Variants in COL24A1 observed in about 807,000 individuals in gnomAD.
The protein encoded by COL24A1 is collagen type XXIV alpha 1 chain.
In COL24A1, 224 loss-of-function variants were observed where a neutral mutation model predicts 253.9. The ratio of observed to expected loss-of-function variants is 0.88; its 90% CI spans 0.79 to 0.99. The LOEUF (loss-of-function observed/expected upper bound fraction) is 0.99. Among genes scored for constraint, COL24A1 ranks in the 50% least tolerant of loss-of-function variants. COL24A1 has a pLI of 0.00. For synonymous variants in COL24A1, 685 were observed against 673.7 expected (o/e 1.02, Z -0.26); for missense variants, 2,131 against 2,068.5 (o/e 1.03, Z -0.59).
intron 37 of COL24A1, among the ~76,000 whole-genome samples, chr1:85,866,446 T>C (rs1449619333): frequency 1.3e-5 from 2 of 152,048 alleles, no homozygotes; most frequent in Admixed American, 1.3e-4. Flanking sequence ...TAAGTGAAAT[T>C]ATATTGTTTA....
At chr1:85,978,749 G>A (rs561327501) in intron 20 of COL24A1, among the ~76,000 whole-genome samples, 2 of 152,264 alleles carry the variant, frequency 1.3e-5, no homozygotes, top group East Asian at 1.9e-4. Flanking sequence ...AGTGGGGGAT[G>A]TTGATACTCT....
intron 58 of COL24A1, among the ~76,000 whole-genome samples, chr1:85,735,234 A>G (rs1053274170): frequency 3.3e-5 from 5 of 152,196 alleles, no homozygotes; most frequent in Admixed American, 3.3e-4. Flanking sequence ...TACCAAGGTG[A>G]GGTCACTGAA....
intron 3 of COL24A1, among the ~76,000 whole-genome samples, chr1:86,116,941 C>T (rs1706203214): frequency 6.8e-6 from 1 of 147,290 alleles, no homozygotes; most frequent in Non-Finnish European, 1.5e-5. Context: ...TGATATTTTA[C>T]TCATTGTCAA....
At chr1:85,777,558 T>G (rs1304871375) in intron 52 of COL24A1, among the ~76,000 whole-genome samples, 1 of 152,166 alleles carries the variant, frequency 6.6e-6, no homozygotes, top group Non-Finnish European at 1.5e-5. Flanking sequence ...TACTCAATCA[T>G]TCCTTTAGAA....
intron 47 of COL24A1, among the ~76,000 whole-genome samples, chr1:85,809,604 G>C (rs1672322408): frequency 6.6e-6 from 1 of 151,948 alleles, no homozygotes; most frequent in Non-Finnish European, 1.5e-5. Flanking sequence ...ACTTTGCACT[G>C]ACTGACCATC....
At chr1:86,101,096 T>C (rs190468472) in intron 5 of COL24A1, among the ~76,000 whole-genome samples, 4 of 152,196 alleles carry the variant, frequency 2.6e-5, no homozygotes, top group Admixed American at 1.3e-4. Context: ...GGAAGTCTTA[T>C]AGGACTCAGT....
At chr1:85,840,699 A>G (rs1204703239) in intron 42 of COL24A1, among the ~76,000 whole-genome samples, 1 of 152,170 alleles carries the variant, frequency 6.6e-6, no homozygotes, top group Non-Finnish European at 1.5e-5. Context: ...GCTACTTTTT[A>G]GAGACCATGG....
At chr1:86,034,335 T>C (rs1186598768) in intron 12 of COL24A1, among the ~76,000 whole-genome samples, 1 of 152,182 alleles carries the variant, frequency 6.6e-6, no homozygotes, top group Non-Finnish European at 1.5e-5. Context: ...GCACTTGCCA[T>C]GTGCTAAAGG....
At chr1:85,879,662 A>G (rs774514641) in intron 32 of COL24A1, among the ~76,000 whole-genome samples, 12 of 152,172 alleles carry the variant, frequency 7.9e-5, no homozygotes, top group Non-Finnish European at 1.6e-4. Flanking sequence ...TGTTATATGT[A>G]TTGTATACTG....
intron 37 of COL24A1, among the ~76,000 whole-genome samples, chr1:85,863,904 G>T (rs893816870): frequency 8.5e-5 from 13 of 152,274 alleles, no homozygotes; most frequent in Middle Eastern, 3.4e-3. Flanking sequence ...AACAACAAGT[G>T]GGGGAGAGAA....
rs1491169938 is a variant in COL24A1 at position 86,108,620 on chromosome 1, T to TAAAGAAAAAAAAAAAA, written c.1599+3946_1599+3947insTTTTTTTTTTTTCTTT. On this transcript the variant is annotated intron_variant, in intron 5 of 59. Coordinates refer to ENST00000370571, the MANE Select transcript of COL24A1 (RefSeq NM_152890.7). ...GAAAATGGAGAAACCCCATCTCTAC[T>TAAAGAAAAAAAAAAAA]AAAAAAAAAAAAAAAAAAAAAAAAA... Among the ~76,000 whole-genome samples the TAAAGAAAAAAAAAAAA allele has an allele frequency of 4.0e-4, 33 of 83,098 alleles. 3 individuals are homozygous for TAAAGAAAAAAAAAAAA. Among genetic ancestry groups the TAAAGAAAAAAAAAAAA allele is most frequent in the African/African-American group, 1.4e-3 (27 of 19,468 alleles). 54.5% of individuals were successfully genotyped at this position (83,098 alleles called of 152,430 possible).
intron 47 of COL24A1, among the ~76,000 whole-genome samples, chr1:85,804,265 G>T (rs963101786): frequency 6.6e-6 from 1 of 152,172 alleles, no homozygotes; most frequent in African/African-American, 2.4e-5. Flanking sequence ...TGTTTTGTTA[G>T]AGGGAAGATA....
At chr1:86,112,660 T>C (rs760710588) in intron 4 of COL24A1, 40 bp from the exon 5 acceptor site, 1 of 1,574,606 alleles carries the variant, frequency 6.4e-7, no homozygotes, top group South Asian at 1.1e-5. Flanking sequence ...TGGAACATAC[T>C]GGAATGGAAC....
intron 7 of COL24A1, among the ~76,000 whole-genome samples, chr1:86,083,961 C>A (rs1172984321): frequency 6.6e-6 from 1 of 152,144 alleles, no homozygotes; most frequent in African/African-American, 2.4e-5. Context: ...TAAAAGCCAA[C>A]ATTAAATTTT....
chr1:85,821,588 G>A (rs143006520), intron 45 of COL24A1, among the ~76,000 whole-genome samples: 66 of 152,298 alleles, frequency 4.3e-4, no homozygotes, highest in African/African-American at 1.5e-3. Context: ...ATAATACACA[G>A]TCAGTCATTA....
chr1:85,914,763 C>G (rs1196550191), intron 24 of COL24A1, among the ~76,000 whole-genome samples: 1 of 152,060 alleles, frequency 6.6e-6, no homozygotes, highest in Non-Finnish European at 1.5e-5. Context: ...AATTTTACAT[C>G]ATAGTATTTA....
At chr1:85,791,706 C>G (rs1272659047) in intron 47 of COL24A1, among the ~76,000 whole-genome samples, 1 of 152,044 alleles carries the variant, frequency 6.6e-6, no homozygotes, top group African/African-American at 2.4e-5. Flanking sequence ...TGAATTGCAG[C>G]ATTTGGCAGT....
In COL24A1 at chr1:86,133,689, AG is replaced by A. The variant is rs568917352; in HGVS notation, c.122-7476del. The stretch of plus-strand genomic sequence containing the variant: ...GTATGTTGAACCAGCCTTGCATCCC[AG>A]GGATGAGGCCCACTTGATCATGGTG... On this transcript the variant is annotated intron_variant, in intron 2 of 59. Coordinates refer to ENST00000370571, the MANE Select transcript of COL24A1 (RefSeq NM_152890.7). Among the ~76,000 whole-genome samples, 11 of 152,306 alleles carry A rather than the reference AG, an allele frequency of 7.2e-5. No homozygotes were observed. In the South Asian group the frequency reaches 2.1e-3, roughly 29 times the overall value.
intron 37 of COL24A1, among the ~76,000 whole-genome samples, chr1:85,854,287 T>C (rs1367356292): frequency 6.6e-6 from 1 of 152,208 alleles, no homozygotes; most frequent in African/African-American, 2.4e-5. Context: ...TGTGTGGCTT[T>C]ATTTCTCGGT....
Sources: gnomAD v4.1 joint callset for allele counts (sites outside exome capture counted in the v4.1 genomes callset) on GRCh38, gnomAD v4.1.1 for gene constraint, MANE v1.5 for transcripts, NCBI Gene and HGNC (gene_info 2026-07-23, HGNC 2026-07-21) for gene names.